The following CFHR2 variants were observed in gnomAD, a reference collection of about 807,000 sequenced individuals.
CFHR2 encodes complement factor H related 2, also known as complement factor H-related protein 2.
In CFHR2, 22 loss-of-function variants were observed where a neutral mutation model predicts 21.7. The ratio of observed to expected loss-of-function variants is 1.01; its 90% CI spans 0.72 to 1.45. CFHR2 has a LOEUF of 1.45. Ranked by LOEUF, CFHR2 falls within the 40% of genes most tolerant of loss-of-function variation. The pLI is 0.00. For synonymous variants in CFHR2, 98 were observed against 97.4 expected (o/e 1.01, Z -0.04); for missense variants, 294 against 293.3 (o/e 1.00, Z -0.02).
chr1:196,947,201 A>G (rs987726291), intron 1 of CFHR2, among the ~76,000 whole-genome samples: 28 of 152,144 alleles, frequency 1.8e-4, no homozygotes, highest in African/African-American at 6.5e-4. Flanking sequence ...ATGTTGAGAC[A>G]AGAAAAATTA....
chr1:196,951,795 C>T (rs1162307444), intron 3 of CFHR2, among the ~76,000 whole-genome samples: 1 of 152,100 alleles, frequency 6.6e-6, no homozygotes, highest in Non-Finnish European at 1.5e-5. Flanking sequence ...CATTATTAGT[C>T]TCAACTAAAG....
intron 3 of CFHR2, among the ~76,000 whole-genome samples, chr1:196,957,391 G>A (rs1383218796): frequency 6.9e-6 from 1 of 145,486 alleles, no homozygotes; most frequent in African/African-American, 2.5e-5. Flanking sequence ...GTTGTACTTA[G>A]CATAAGGAAA....
At position 196,946,845 on chromosome 1, in the gene CFHR2, A is replaced by C. The variant is rs145112771; in HGVS notation, c.59-2610A>C. Among the ~76,000 whole-genome samples, 1,161 of 152,360 alleles carry C rather than the reference A, an allele frequency of 7.6e-3. 17 individuals carry two copies. Among genetic ancestry groups the C allele is most frequent in the African/African-American group, 0.027 (1,109 of 41,574 alleles). ...ACTGATAACAATTATACTATATGAA[A>C]TACATTAACCAGTAACACTTCTATA... On this transcript the variant is annotated intron_variant, in intron 1 of 4. Coordinates refer to ENST00000367415, the MANE Select transcript of CFHR2 (RefSeq NM_005666.4).
intron 4 of CFHR2, 105 bp from the exon 5 acceptor site, chr1:196,958,776 G>A: frequency 1.4e-6 from 1 of 692,522 alleles, no homozygotes; most frequent in South Asian, 2.1e-5. Context: ...AAAGGATTTT[G>A]AGAAGTAATT....
At chr1:196,949,345 C>T (rs887761226) in intron 1 of CFHR2, 110 bp from the exon 2 acceptor site, 3 of 1,052,604 alleles carry the variant, frequency 2.9e-6, no homozygotes, top group Non-Finnish European at 4.1e-6. Context: ...AAGCTAAAGG[C>T]ATTTAAGCTA....
At chr1:196,956,986 GGGTAGAA>G (rs1250777888) in intron 3 of CFHR2, among the ~76,000 whole-genome samples, 3 of 152,114 alleles carry the variant, frequency 2.0e-5, no homozygotes, top group Non-Finnish European at 4.4e-5. Context: ...TTGACCATGT[GGGTAGAA>G]GTCTAGGTTC....
intron 3 of CFHR2, among the ~76,000 whole-genome samples, chr1:196,957,450 T>A (rs1652933553): frequency 6.7e-6 from 1 of 149,246 alleles, no homozygotes; most frequent in Non-Finnish European, 1.5e-5. Flanking sequence ...AATCCAGCAA[T>A]TCCCTTTTAG....
intron 1 of CFHR2, among the ~76,000 whole-genome samples, chr1:196,947,651 C>CTTAA (rs1481829279): frequency 1.3e-5 from 2 of 152,154 alleles, no homozygotes; most frequent in African/African-American, 4.8e-5. Context: ...GATTTGTCAG[C>CTTAA]TTAATTTCTG....
intron 3 of CFHR2, among the ~76,000 whole-genome samples, chr1:196,954,938 C>A (rs561737848): frequency 2.6e-5 from 4 of 152,356 alleles, no homozygotes; most frequent in Non-Finnish European, 4.4e-5. Context: ...CCTCAAAGAT[C>A]TCTGACATGT....
At position 196,950,947 on chromosome 1, in the gene CFHR2, G is replaced by C. The variant is rs756813094; in HGVS notation, c.349G>C (p.Gly117Arg). Residue 117 changes from glycine to arginine, a missense_variant, in exon 3 of 5, where the codon GGA becomes CGA. Gly to Arg is a moderately radical substitution (Grantham distance 125). Transcript: ENST00000367415. ...TACTGTACAAATTATTTGCAACACA[G>C]GATACAGACTTCAAAACAATGAGAA... The part of the protein sequence containing the change: ...GDTVQIICNT[G>R]YRLQNNENNI... The C allele has an allele frequency of 5.6e-6, 9 of 1,613,948 alleles. No individual in the cohort carries two copies. The highest frequency in any genetic ancestry group is 6.8e-6 in the Non-Finnish European group (8 of 1,180,004).
chr1:196,953,223 G>A (rs529852827), intron 3 of CFHR2, among the ~76,000 whole-genome samples: 1 of 152,184 alleles, frequency 6.6e-6, no homozygotes, highest in South Asian at 2.1e-4. Flanking sequence ...AAGCAGCTGG[G>A]AAACCCTACA....
chr1:196,944,821 C>G (rs1036966824), intron 1 of CFHR2, among the ~76,000 whole-genome samples: 1 of 149,958 alleles, frequency 6.7e-6, no homozygotes, highest in Non-Finnish European at 1.5e-5. Context: ...CAATAACATG[C>G]TTTCCTTTAA....
At chr1:196,944,368 G>T (rs1462070820) in intron 1 of CFHR2, among the ~76,000 whole-genome samples, 2 of 151,712 alleles carry the variant, frequency 1.3e-5, no homozygotes, top group African/African-American at 2.4e-5. Context: ...TCATTAAAAT[G>T]GAGGAATTCC....
intron 1 of CFHR2, among the ~76,000 whole-genome samples, chr1:196,947,261 C>T (rs1659540333): frequency 1.3e-5 from 2 of 152,042 alleles, no homozygotes; most frequent in African/African-American, 2.4e-5. Flanking sequence ...TGCAAGAAGA[C>T]ATTAACACTC....
chr1:196,949,462 C>G lies in CFHR2; in HGVS notation c.66C>G (p.Phe22Leu), dbSNP rs752602456. Residue 22 changes from phenylalanine to leucine, a missense_variant, in exon 2 of 5, where the codon TTC becomes TTG. Coordinates refer to ENST00000367415, the MANE Select transcript of CFHR2 (RefSeq NM_005666.4). Reference protein sequence around the residue: ...RISSVGGEAMFCDFPKINHGI... With the variant: ...RISSVGGEAMLCDFPKINHGI... The stretch of plus-strand genomic sequence containing the variant: ...TTTGTGTTATTTTCCCAGCAATGTT[C>G]TGTGATTTTCCAAAAATAAACCATG... 1 of 1,612,018 alleles carries G rather than the reference C, an allele frequency of 6.2e-7. No homozygotes were observed. Among genetic ancestry groups the G allele is most frequent in the African/African-American group, 1.3e-5 (1 of 74,878 alleles).
chr1:196,950,893 T>G lies in CFHR2; in HGVS notation c.295T>G (p.Ser99Ala), dbSNP rs770355234. Residue 99 changes from serine (S) to alanine (A), a missense_variant, in exon 3 of 5, where the codon TCT becomes GCT. Physicochemically the swap from Ser to Ala is moderately conservative, Grantham distance 99 (BLOSUM62 1). Transcript: ENST00000367415. ...TTTTGTGGAAAATGGTCATTCTGAA[T>G]CTTCAGGACAAACACATCTGGAAGG... is the stretch of plus-strand genomic sequence containing the variant. ...FPFVENGHSE[S>A]SGQTHLEGDT... 1 of 1,613,816 alleles carries G rather than the reference T, an allele frequency of 6.2e-7. No individual in the cohort carries two copies. Among genetic ancestry groups the G allele is most frequent in the East Asian group, 2.2e-5 (1 of 44,890 alleles).
chr1:196,949,319 A>G lies in CFHR2; in HGVS notation c.59-136A>G. The G allele has an allele frequency of 3.8e-6, 3 of 780,522 alleles. No individual in the cohort carries two copies. In the South Asian group the frequency reaches 5.8e-5, roughly 15 times the overall value. 48.3% of individuals were successfully genotyped at this position (780,522 alleles called of 1,614,324 possible). ...TGATGTCTTTTCATTCCTAATTTGG[A>G]CACTGGAGAGCATTTAAGCTAAAGG... On this transcript the variant is annotated intron_variant, in intron 1 of 4. Coordinates refer to ENST00000367415, the MANE Select transcript of CFHR2 (RefSeq NM_005666.4).
rs1426377553 is a variant in CFHR2, at chr1:196,959,133, TA to T, written c.*54del. 1 of 1,224,178 alleles carries T rather than the reference TA, an allele frequency of 8.2e-7. No individual in the cohort carries two copies. Among genetic ancestry groups the T allele is most frequent in the Non-Finnish European group, 1.2e-6 (1 of 865,460 alleles). The allele number at this position is 1,224,178 out of a possible 1,614,324, so 75.8% of individuals were successfully genotyped here. ...GCACACCTTTTTCTGAATTTACTATTATATTTGTTTTCAATTTCATTTTTCA... is the reference window on the plus strand; with the variant it reads ...GCACACCTTTTTCTGAATTTACTATTTATTTGTTTTCAATTTCATTTTTCA... On this transcript the variant is annotated 3_prime_UTR_variant, in exon 5 of 5. Coordinates refer to ENST00000367415, the MANE Select transcript of CFHR2 (RefSeq NM_005666.4).
At chr1:196,945,855 G>A (rs1432587173) in intron 1 of CFHR2, among the ~76,000 whole-genome samples, 3 of 151,658 alleles carry the variant, frequency 2.0e-5, no homozygotes, top group Non-Finnish European at 1.5e-5. Flanking sequence ...TGAGAAGTGC[G>A]TCCTTAGGCG....
Sources: gnomAD v4.1 joint callset for allele counts (sites outside exome capture counted in the v4.1 genomes callset) on GRCh38, gnomAD v4.1.1 for gene constraint, MANE v1.5 for transcripts, NCBI Gene and HGNC (gene_info 2026-07-23, HGNC 2026-07-21) for gene names.